CELF5: variants seen among roughly 807,000 people sequenced by gnomAD.
CELF5 encodes CUGBP Elav-like family member 5.
A neutral mutation model predicts 54.9 loss-of-function variants in CELF5; 6 were observed. That is an observed-to-expected ratio of 0.11 (90% CI 0.06 to 0.22). CELF5 has a LOEUF of 0.22. Ranked by LOEUF, CELF5 falls within the 10% of genes least tolerant of loss-of-function variation. The pLI, the probability that CELF5 is intolerant of heterozygous loss-of-function variation, is 1.00. For missense variants in CELF5, 401 were observed against 678.6 expected (o/e 0.59, Z 4.54); for synonymous variants, 271 against 290.9 (o/e 0.93, Z 0.70).
At chr19:3,269,752 C>A (rs2079931582) in intron 2 of CELF5, among the ~76,000 whole-genome samples, 1 of 152,152 alleles carries the variant, frequency 6.6e-6, no homozygotes, top group South Asian at 2.1e-4. Flanking sequence ...CCTTAGGACA[C>A]CTCTCCCTTC....
At chr19:3,287,616 C>T (rs991506787) in intron 10 of CELF5, among the ~76,000 whole-genome samples, 3 of 150,678 alleles carry the variant, frequency 2.0e-5, no homozygotes, top group Non-Finnish European at 3.0e-5. Context: ...TGGCTGGGTG[C>T]GGTGGCTCAC....
intron 2 of CELF5, among the ~76,000 whole-genome samples, chr19:3,266,305 C>T (rs1178318270): frequency 6.6e-6 from 1 of 151,950 alleles, no homozygotes; most frequent in Non-Finnish European, 1.5e-5. Context: ...CCTGTTTTAG[C>T]TAGTCTTCAG....
intron 1 of CELF5, chr19:3,225,420 C>A (rs1916843713): frequency 5.5e-6 from 1 of 183,206 alleles, no homozygotes; most frequent in Non-Finnish European, 7.7e-6. Context: ...CCCACTCTTT[C>A]CTGCCCGTTT....
At chr19:3,249,879 C>T (rs375250260) in intron 1 of CELF5, among the ~76,000 whole-genome samples, 8 of 152,208 alleles carry the variant, frequency 5.3e-5, no homozygotes, top group African/African-American at 1.7e-4. Flanking sequence ...TCTGGGACCA[C>T]TAGTGCCCTC....
At chr19:3,248,488 T>G (rs1344072950) in intron 1 of CELF5, among the ~76,000 whole-genome samples, 1 of 152,148 alleles carries the variant, frequency 6.6e-6, no homozygotes, top group African/African-American at 2.4e-5. Flanking sequence ...GTGTCTGGCT[T>G]ATTTCACCGA....
chr19:3,277,911 C>G (rs148449575), intron 4 of CELF5, 120 bp from the exon 5 acceptor site: 25 of 710,748 alleles, frequency 3.5e-5, no homozygotes, highest in Non-Finnish European at 5.9e-5. Context: ...TATCAGTTCT[C>G]TCTGGCTGCA....
At chr19:3,276,610 A>G (rs1437772964) in intron 4 of CELF5, among the ~76,000 whole-genome samples, 1 of 144,268 alleles carries the variant, frequency 6.9e-6, no homozygotes, top group Non-Finnish European at 1.6e-5. Flanking sequence ...TGGAGCAGAG[A>G]CTGGTCCCGC....
intron 2 of CELF5, among the ~76,000 whole-genome samples, chr19:3,270,828 G>T (rs2145212818): frequency 6.6e-6 from 1 of 151,988 alleles, no homozygotes; most frequent in South Asian, 2.1e-4. Context: ...TGACCCAGCG[G>T]TGGGGGGAAG....
At chr19:3,234,324 C>G (rs768797065) in intron 1 of CELF5, among the ~76,000 whole-genome samples, 5 of 152,078 alleles carry the variant, frequency 3.3e-5, no homozygotes, top group Admixed American at 6.6e-5. Flanking sequence ...GTCTCAAACT[C>G]CTGGGCTCAA....
chr19:3,293,707 T>G, intron 12 of CELF5: 1 of 455,892 alleles, frequency 2.2e-6, no homozygotes, highest in Non-Finnish European at 4.0e-6. Context: ...GGGTAGGGAC[T>G]GAGGTGAGCC....
At chr19:3,225,129 G>C (rs1179534341) in intron 1 of CELF5, 131 bp downstream of exon 1, 2 of 577,764 alleles carry the variant, frequency 3.5e-6, no homozygotes, top group African/African-American at 2.4e-5. Flanking sequence ...CCGGAGCATC[G>C]GTTCTTACCC....
At chr19:3,245,570 CAAAA>C (rs79993342) in intron 1 of CELF5, among the ~76,000 whole-genome samples, 1 of 111,706 alleles carries the variant, frequency 9.0e-6, no homozygotes, top group African/African-American at 3.4e-5. Context: ...AGTCCACAGG[CAAAA>C]AAAAAAAAAA....
At chr19:3,248,881 CCTTCCTTCCTTCCTTCCTTCCTTCCTTT>C (rs1433194805) in intron 1 of CELF5, among the ~76,000 whole-genome samples, 1 of 130,386 alleles carries the variant, frequency 7.7e-6, no homozygotes, top group South Asian at 3.0e-4. Context: ...TTCCTTCCTT[CCTTCCTTCCTTCCTTCCTTCCTTCCTTT>C]CTTTCTTTCT....
rs201805772 is a variant in CELF5, at chr19:3,284,949, G to A, written c.1087G>A (p.Val363Ile). 1.3e-5 allele frequency: 21 copies of A among 1,612,196 alleles called. 1 individual carries two copies. The highest frequency in any genetic ancestry group is 1.1e-4 in the South Asian group (10 of 90,838). Residue 363 changes from valine (V) to isoleucine (I), a missense_variant, in exon 9 of 13, where the codon GTC becomes ATC. Transcript: ENST00000292672. ...AETLHPAFSG[V>I]QQYTAMYPTA... ...GACACTGCATCCTGCCTTCTCCGGA[G>A]TCCAGCAGTACACAGGTAGGAGGCA...
rs775103507 is a variant in CELF5 at position 3,250,968 on chromosome 19, G to A, written c.260-17G>A. The A allele has an allele frequency of 5.0e-6, 8 of 1,608,154 alleles. No individual in the cohort carries two copies. In the Admixed American group the frequency reaches 6.7e-5, roughly 13 times the overall value. On this transcript the variant is annotated splice_polypyrimidine_tract_variant and intron_variant, in intron 1 of 12. Transcript: ENST00000292672. ...GTGCCCGTGCTCTCTTAACACCCCC[G>A]TTTCTCTCCCTTCCAGGCTGTGCCT...
At chr19:3,239,062 GT>G (rs2079455017) in intron 1 of CELF5, among the ~76,000 whole-genome samples, 2 of 151,994 alleles carry the variant, frequency 1.3e-5, no homozygotes, top group Admixed American at 1.3e-4. Context: ...CACATTTCAG[GT>G]TCCAGAGTGG....
chr19:3,265,793 C>CTTTTCT, intron 2 of CELF5, among the ~76,000 whole-genome samples: 1 of 152,098 alleles, frequency 6.6e-6, no homozygotes, highest in East Asian at 1.9e-4. Flanking sequence ...ACTTTCTTTT[C>CTTTTCT]TTTTCTTTTT....
chr19:3,286,152 C>A, intron 10 of CELF5, 127 bp downstream of exon 10: 1 of 782,908 alleles, frequency 1.3e-6, no homozygotes, highest in Non-Finnish European at 1.9e-6. Flanking sequence ...GGGGGCTGGA[C>A]AGGCCAGAGT....
chr19:3,280,728 C>T (rs912185928), intron 5 of CELF5, among the ~76,000 whole-genome samples: 2 of 152,044 alleles, frequency 1.3e-5, no homozygotes, highest in Admixed American at 1.3e-4. Flanking sequence ...GAGGCTCACC[C>T]ATCTGTGCCC....
Sources: allele counts gnomAD v4.1 joint callset (sites outside exome capture counted in the v4.1 genomes callset), GRCh38; gene constraint gnomAD v4.1.1; transcripts MANE v1.5; gene names NCBI Gene and HGNC (gene_info 2026-07-23, HGNC 2026-07-21).